Variants in SPATA17 observed in about 807,000 individuals in gnomAD.
SPATA17 encodes spermatogenesis associated 17.
SPATA17 carries 53 observed loss-of-function variants against 62.2 expected under a neutral mutation model. The ratio of observed to expected loss-of-function variants is 0.85; its 90% CI spans 0.68 to 1.07. The LOEUF (loss-of-function observed/expected upper bound fraction) is 1.07. Among genes scored for constraint, SPATA17 ranks in the 50% least tolerant of loss-of-function variants. SPATA17 has a pLI of 0.00. For synonymous variants in SPATA17, 146 were observed against 146.8 expected (o/e 0.99, Z 0.04); for missense variants, 466 against 425.5 (o/e 1.10, Z -0.84).
At chr1:217,774,709 G>T (rs1285211033) in intron 7 of SPATA17, among the ~76,000 whole-genome samples, 172 bp downstream of exon 7, 1 of 152,116 alleles carries the variant, frequency 6.6e-6, no homozygotes, top group Non-Finnish European at 1.5e-5. Context: ...TCATCTTGGA[G>T]AATTAAAACT....
Position 217,749,981 on chromosome 1 carries a change from CTCTCTATATA to C in SPATA17, c.519+7885_519+7894del, listed in dbSNP as rs1316083603. ...TCTCTCTCTCTCTCTCTCTCTCTCT[CTCTCTATATA>C]TATATATATATATATATATATGAGG... On this transcript the variant is annotated intron_variant, in intron 6 of 10. Transcript: ENST00000366933. Among the ~76,000 whole-genome samples, 54 of 27,014 alleles carry C rather than the reference CTCTCTATATA, an allele frequency of 2.0e-3. 2 individuals carry two copies. The highest frequency in any genetic ancestry group is 1.1e-3 in the Admixed American group (3 of 2,634). The allele number at this position is 27,014 out of a possible 152,430, so 17.7% of individuals were successfully genotyped here.
At chr1:217,638,199 T>G (rs1476623912) in intron 1 of SPATA17, among the ~76,000 whole-genome samples, 1 of 146,884 alleles carries the variant, frequency 6.8e-6, no homozygotes, top group Non-Finnish European at 1.6e-5. Flanking sequence ...ATACATTAAG[T>G]ATATAAACTG....
At chr1:217,840,479 A>G (rs1463678567) in intron 9 of SPATA17, among the ~76,000 whole-genome samples, 1 of 152,140 alleles carries the variant, frequency 6.6e-6, no homozygotes, top group African/African-American at 2.4e-5. Flanking sequence ...TATCTGGCCT[A>G]TTAACCATTA....
chr1:217,717,097 A>G (rs939715800), intron 5 of SPATA17, among the ~76,000 whole-genome samples: 2 of 152,204 alleles, frequency 1.3e-5, no homozygotes, highest in African/African-American at 4.8e-5. Context: ...CATATACCAT[A>G]AATAACTAGG....
In SPATA17 at chr1:217,733,915, G is replaced by A. The variant is rs1030232195; in HGVS notation, c.396-8060G>A. Among the ~76,000 whole-genome samples, 6 of 152,120 alleles carry A rather than the reference G, an allele frequency of 3.9e-5. No homozygotes were observed. The South Asian group carries it at 6.2e-4, about 16-fold the overall frequency. On this transcript the variant is annotated intron_variant, in intron 5 of 10. Transcript: ENST00000366933. ...TGCTACAGAATATTTCATTTTAAAC[G>A]TATTTTCCCTTTGTGAAGGGCTGCC...
At chr1:217,637,942 C>T (rs566859421) in intron 1 of SPATA17, among the ~76,000 whole-genome samples, 1 of 152,144 alleles carries the variant, frequency 6.6e-6, no homozygotes, top group East Asian at 1.9e-4. Flanking sequence ...TATTAGTTTT[C>T]TCATCTGTAA....
At chr1:217,778,879 A>G (rs761572481) in intron 7 of SPATA17, among the ~76,000 whole-genome samples, 3 of 152,132 alleles carry the variant, frequency 2.0e-5, no homozygotes, top group East Asian at 1.9e-4. Flanking sequence ...CTGTTTCTCA[A>G]TACAACCTCT....
chr1:217,707,265 T>C (rs1383888715), intron 5 of SPATA17, among the ~76,000 whole-genome samples: 1 of 152,174 alleles, frequency 6.6e-6, no homozygotes, highest in Non-Finnish European at 1.5e-5. Context: ...CTGGTTTTTA[T>C]ATATTGATTT....
intron 9 of SPATA17, among the ~76,000 whole-genome samples, chr1:217,844,915 AT>A (rs1053917025): frequency 5.9e-5 from 9 of 151,458 alleles, no homozygotes; most frequent in Non-Finnish European, 7.4e-5. Flanking sequence ...TGCTTTTTGA[AT>A]TTTTTTTTAT....
chr1:217,693,277 G>A (rs1195956988), intron 5 of SPATA17, among the ~76,000 whole-genome samples: 7 of 131,930 alleles, frequency 5.3e-5, no homozygotes, highest in African/African-American at 1.4e-4. Context: ...GTTTATTTGC[G>A]TAGAGGTGTT....
At chr1:217,769,086 G>A (rs954526151) in intron 6 of SPATA17, among the ~76,000 whole-genome samples, 7 of 152,006 alleles carry the variant, frequency 4.6e-5, no homozygotes, top group Non-Finnish European at 7.4e-5. Context: ...ATTTCATTAG[G>A]ATGTTTAATG....
At chr1:217,750,276 G>C (rs1672874322) in intron 6 of SPATA17, among the ~76,000 whole-genome samples, 1 of 151,808 alleles carries the variant, frequency 6.6e-6, no homozygotes, top group Non-Finnish European at 1.5e-5. Context: ...AACAGCTTCT[G>C]ATAAGAATGG....
chr1:217,784,261 G>A (rs1673801129), intron 8 of SPATA17, among the ~76,000 whole-genome samples: 2 of 151,934 alleles, frequency 1.3e-5, no homozygotes, highest in African/African-American at 4.8e-5. Context: ...TAATGCAGAG[G>A]GTCCTTTTAC....
At chr1:217,846,174 AT>A (rs1675523623) in intron 9 of SPATA17, among the ~76,000 whole-genome samples, 1 of 152,140 alleles carries the variant, frequency 6.6e-6, no homozygotes, top group Admixed American at 6.6e-5. Context: ...AACTAATGGG[AT>A]TCTAGATATA....
At chr1:217,708,941 G>A (rs1345727342) in intron 5 of SPATA17, among the ~76,000 whole-genome samples, 2 of 151,658 alleles carry the variant, frequency 1.3e-5, no homozygotes, top group East Asian at 1.9e-4. Flanking sequence ...ACAGATGATT[G>A]TCTCAGCATA....
intron 1 of SPATA17, 137 bp downstream of exon 1, chr1:217,631,583 T>C: frequency 1.2e-6 from 1 of 831,970 alleles, no homozygotes; most frequent in South Asian, 1.7e-5. Context: ...CTTAATGGGC[T>C]GCAAACATAA....
intron 9 of SPATA17, among the ~76,000 whole-genome samples, chr1:217,818,257 C>A (rs1674771270): frequency 6.6e-6 from 1 of 151,918 alleles, no homozygotes; most frequent in Non-Finnish European, 1.5e-5. Context: ...CAGTTACCAT[C>A]CTTGGACATC....
chr1:217,671,881 A>G (rs1340866641), intron 4 of SPATA17, among the ~76,000 whole-genome samples: 1 of 152,198 alleles, frequency 6.6e-6, no homozygotes, highest in African/African-American at 2.4e-5. Flanking sequence ...GTCACTCTTC[A>G]GAGGTTTGAG....
chr1:217,742,913 A>G (rs987119184), intron 6 of SPATA17, among the ~76,000 whole-genome samples: 12 of 151,536 alleles, frequency 7.9e-5, no homozygotes, highest in African/African-American at 2.7e-4. Context: ...GGTGGGCCCC[A>G]AGACCAAATG....
Sources: gnomAD v4.1 joint callset for allele counts (sites outside exome capture counted in the v4.1 genomes callset) on GRCh38, gnomAD v4.1.1 for gene constraint, MANE v1.5 for transcripts, NCBI Gene and HGNC (gene_info 2026-07-23, HGNC 2026-07-21) for gene names.